Variants in ANKRD13C observed in about 807,000 individuals in gnomAD.
ANKRD13C encodes the protein ankyrin repeat domain-containing protein 13C.
Under a neutral mutation model 65.5 loss-of-function variants are expected in ANKRD13C, and 16 were observed. The ratio of observed to expected loss-of-function variants is 0.24; its 90% CI spans 0.17 to 0.37. ANKRD13C has a LOEUF of 0.37. Ranked by LOEUF, ANKRD13C falls within the 10% of genes least tolerant of loss-of-function variation. The pLI is 1.00. For synonymous variants in ANKRD13C, 235 were observed against 238.7 expected (o/e 0.98, Z 0.14); for missense variants, 503 against 655.9 (o/e 0.77, Z 2.55).
Position 70,262,684 on chromosome 1 carries a change from T to C in ANKRD13C, c.*33A>G. 6.3e-7 allele frequency: 1 copy of C among 1,599,382 alleles called. No homozygotes were observed. The highest frequency in any genetic ancestry group is 8.5e-7 in the Non-Finnish European group (1 of 1,171,722). On this transcript the variant is annotated 3_prime_UTR_variant, in exon 13 of 13. Coordinates refer to ENST00000370944, the MANE Select transcript of ANKRD13C (RefSeq NM_030816.5). ...ACTTCTAGGGTCTCTGTATTTTCTT[T>C]CCTTGGTTAGACGGCATCCTTTTCC...
At chr1:70,295,406 C>T (rs1441316742) in intron 8 of ANKRD13C, among the ~76,000 whole-genome samples, 1 of 152,014 alleles carries the variant, frequency 6.6e-6, no homozygotes, top group Admixed American at 6.5e-5. Flanking sequence ...CACCACCACG[C>T]CCGGGTAATT....
At chr1:70,267,584 T>A (rs1422174712) in intron 12 of ANKRD13C, among the ~76,000 whole-genome samples, 1 of 152,186 alleles carries the variant, frequency 6.6e-6, no homozygotes, top group Non-Finnish European at 1.5e-5. Flanking sequence ...ATCTTTTAAT[T>A]GGTATATTTA....
At chr1:70,303,675 A>G (rs1322971011) in intron 6 of ANKRD13C, among the ~76,000 whole-genome samples, 1 of 152,236 alleles carries the variant, frequency 6.6e-6, no homozygotes, top group Non-Finnish European at 1.5e-5. Context: ...GGCTGCCATG[A>G]AATAAAAGTC....
chr1:70,344,158 T>G (rs551784188), intron 1 of ANKRD13C, among the ~76,000 whole-genome samples: 4 of 151,422 alleles, frequency 2.6e-5, no homozygotes, highest in African/African-American at 9.7e-5. Flanking sequence ...ATCAGCCAGG[T>G]GTGGTGGCAG....
At chr1:70,323,044 C>T (rs1681378166) in intron 3 of ANKRD13C, among the ~76,000 whole-genome samples, 1 of 151,958 alleles carries the variant, frequency 6.6e-6, no homozygotes, top group Admixed American at 6.6e-5. Flanking sequence ...AGACAGAAAC[C>T]CAGAAGACAA....
chr1:70,324,750 A>G, intron 3 of ANKRD13C, 103 bp downstream of exon 3: 1 of 828,180 alleles, frequency 1.2e-6, no homozygotes, highest in Admixed American at 2.8e-5. Context: ...ACATAATTGC[A>G]AAAGTTCATA....
intron 1 of ANKRD13C, among the ~76,000 whole-genome samples, chr1:70,348,283 AT>A (rs34534926): frequency 1.7e-3 from 248 of 146,094 alleles, no homozygotes; most frequent in South Asian, 5.4e-3. Flanking sequence ...TCAAATGCAC[AT>A]TTTTTTTTTT....
Position 70,296,161 on chromosome 1 carries a change from T to C in ANKRD13C, c.1022A>G (p.Gln341Arg). The C allele has an allele frequency of 3.1e-6, 5 of 1,613,906 alleles. No individual in the cohort carries two copies. Among genetic ancestry groups the C allele is most frequent in the Non-Finnish European group, 4.2e-6 (5 of 1,179,904 alleles). Residue 341 changes from glutamine to arginine, a missense_variant, in exon 8 of 13, where the codon CAG becomes CGG. Gln to Arg is a conservative substitution (Grantham distance 43). Coordinates refer to ENST00000370944, the MANE Select transcript of ANKRD13C (RefSeq NM_030816.5). ...ATCTTCCCGAAAAAGCCATCCTGTC[T>C]GGGCACGCGTGAAAGAAATTGATTT... ...STKSISFTRA[Q>R]TGWLFREDKT...
At chr1:70,319,162 G>C (rs1183114135) in intron 3 of ANKRD13C, among the ~76,000 whole-genome samples, 1 of 152,106 alleles carries the variant, frequency 6.6e-6, no homozygotes, top group East Asian at 1.9e-4. Context: ...GCCCTGCTTT[G>C]AAGTCTTCTG....
At chr1:70,310,290 G>A (rs981227410) in intron 5 of ANKRD13C, among the ~76,000 whole-genome samples, 2 of 152,120 alleles carry the variant, frequency 1.3e-5, no homozygotes, top group African/African-American at 4.8e-5. Flanking sequence ...AATATTATGT[G>A]TTTTGACAAG....
intron 10 of ANKRD13C, among the ~76,000 whole-genome samples, chr1:70,275,979 A>C (rs1364555597): frequency 6.6e-6 from 1 of 150,788 alleles, no homozygotes; most frequent in African/African-American, 2.4e-5. Flanking sequence ...AAAAAAAAAA[A>C]AAACTATAAA....
intron 1 of ANKRD13C, among the ~76,000 whole-genome samples, chr1:70,338,195 C>A (rs1401019375): frequency 2.0e-5 from 3 of 152,048 alleles, no homozygotes; most frequent in Non-Finnish European, 4.4e-5. Context: ...AAATTGCATA[C>A]CTATCTCATG....
At chr1:70,267,456 G>A (rs1227513806) in intron 12 of ANKRD13C, among the ~76,000 whole-genome samples, 2 of 151,886 alleles carry the variant, frequency 1.3e-5, no homozygotes, top group Non-Finnish European at 2.9e-5. Context: ...TGCAACTTCC[G>A]TCAGCCTCCT....
chr1:70,293,568 T>C (rs1290367347), intron 8 of ANKRD13C: 3 of 985,048 alleles, frequency 3.0e-6, no homozygotes, highest in East Asian at 1.1e-4. Flanking sequence ...GCAGTAGTAC[T>C]AGATGATTAG....
At chr1:70,272,813 C>A (rs1678950626) in intron 11 of ANKRD13C, among the ~76,000 whole-genome samples, 2 of 151,686 alleles carry the variant, frequency 1.3e-5, no homozygotes, top group South Asian at 4.2e-4. Context: ...ACATGGTGAA[C>A]CCCATCTCTA....
intron 9 of ANKRD13C, chr1:70,292,158 A>G: frequency 3.1e-6 from 1 of 318,028 alleles, no homozygotes. Flanking sequence ...CTTTTAATCT[A>G]TTTATTAATG....
chr1:70,346,896 C>A (rs1178736163), intron 1 of ANKRD13C, among the ~76,000 whole-genome samples: 1 of 151,886 alleles, frequency 6.6e-6, no homozygotes, highest in Non-Finnish European at 1.5e-5. Context: ...TCGAGACCAT[C>A]CTGGCTAACA....
rs1679161263 is a variant in ANKRD13C, at chr1:70,276,862, G to GA, written c.1216-19dup. ...CGAATCGGCTGCCAAAAAAAAAAAA[G>GA]AAAGAAAGTGGGGTGGGGGAGAAAG... On this transcript the variant is annotated intron_variant, in intron 9 of 12. Coordinates refer to ENST00000370944, the MANE Select transcript of ANKRD13C (RefSeq NM_030816.5). 6.8e-7 allele frequency: 1 copy of GA among 1,473,514 alleles called. No homozygotes were observed. The highest frequency in any genetic ancestry group is 9.2e-7 in the Non-Finnish European group (1 of 1,081,756). The allele number at this position is 1,473,514 out of a possible 1,614,324, so 91.3% of individuals were successfully genotyped here. A position where few individuals can be genotyped will look rare whatever the true frequency, so the allele number is the denominator to read the frequency against.
chr1:70,289,558 G>C (rs533390814), intron 9 of ANKRD13C, among the ~76,000 whole-genome samples: 1 of 151,700 alleles, frequency 6.6e-6, no homozygotes, highest in Admixed American at 6.6e-5. Flanking sequence ...TCTGCCTCCC[G>C]GGGGTTCACG....
Sources: allele counts gnomAD v4.1 joint callset (sites outside exome capture counted in the v4.1 genomes callset), GRCh38; gene constraint gnomAD v4.1.1; transcripts MANE v1.5; gene names NCBI Gene and HGNC (gene_info 2026-07-23, HGNC 2026-07-21).